RNF128: variants seen among roughly 807,000 people sequenced by gnomAD.
The protein encoded by RNF128 is E3 ubiquitin-protein ligase RNF128.
In RNF128, 13 loss-of-function variants were observed where a neutral mutation model predicts 26.2. The ratio of observed to expected loss-of-function variants is 0.50; its 90% confidence interval spans 0.32 to 0.79. The LOEUF (loss-of-function observed/expected upper bound fraction) is 0.79, where lower values mean the gene tolerates loss of function less well. Among genes scored for constraint, RNF128 ranks in the 30% least tolerant of loss-of-function variants. The pLI, the probability that RNF128 is intolerant of heterozygous loss-of-function variation, is 0.03. For missense variants in RNF128, 315 were observed against 349.7 expected, an observed-to-expected ratio of 0.90 and a Z score of 0.79; for synonymous variants, 149 against 142.5, an observed-to-expected ratio of 1.05 and a Z score of -0.32.
rs1374686007 is a variant in RNF128, at chrX:106,727,394, C to T, written c.481C>T (p.Pro161Ser). The part of the protein sequence containing the change: ...TRNEVIPMSH[P>S]GAVDIVAIMI... The stretch of plus-strand genomic sequence containing the variant: ...CAATGAGGTCATCCCCATGTCTCAC[C>T]CGGGTGAGTGCAGCTACTAGATTGC... Residue 161 changes from proline (P) to serine (S), a missense_variant, in exon 1 of 7, where the codon CCG (proline) becomes TCG (serine). Pro to Ser is a moderately conservative substitution (Grantham distance 74). Coordinates refer to ENST00000255499, the MANE Select transcript of RNF128 (RefSeq NM_194463.2). 8.3e-7 allele frequency: 1 copy of T among 1,210,904 alleles called. No individual in the cohort carries two copies. Among genetic ancestry groups the T allele is most frequent in the Admixed American group, 2.2e-5 (1 of 45,987 alleles).
Position 106,702,824 on chromosome X carries a change from A to T in RNF128, c.406+8416A>T, listed in dbSNP as rs188703707. On this transcript the variant is annotated intron_variant, in intron 1 of 6. Coordinates refer to the RNF128 transcript ENST00000324342. ...ACAGAACAGTGGAAGAGTGAATTCC[A>T]GGAGATGATGTTTCAGAGTGTCCCT... is the stretch of plus-strand genomic sequence containing the variant. Among the ~76,000 whole-genome samples the T allele has an allele frequency of 2.4e-3, 268 of 111,922 alleles. 3 individuals are homozygous for T. The highest frequency in any genetic ancestry group is 8.5e-3 in the African/African-American group (261 of 30,846).
At chrX:106,717,770 T>C (rs1287785706) in intron 1 of RNF128, among the ~76,000 whole-genome samples, 1 of 112,466 alleles carries the variant, frequency 8.9e-6, no homozygotes, top group Non-Finnish European at 1.9e-5. Flanking sequence ...CCTTAATTTG[T>C]ATACTTAATG....
chrX:106,779,571 A>G (rs987337008), intron 2 of RNF128, among the ~76,000 whole-genome samples: 39 of 110,411 alleles, frequency 3.5e-4, no homozygotes, highest in African/African-American at 1.3e-3. Flanking sequence ...TTGCAGTTAT[A>G]CCACAAATTC....
intron 6 of RNF128, 41 bp downstream of exon 6, chrX:106,791,275 A>T (rs1304001468): frequency 8.9e-7 from 1 of 1,124,019 alleles, no homozygotes; most frequent in East Asian, 3.0e-5. Flanking sequence ...CCTGCAATCC[A>T]TTGTAGATCA....
At chrX:106,743,256 A>G (rs967358042) in intron 1 of RNF128, among the ~76,000 whole-genome samples, 2 of 112,530 alleles carry the variant, frequency 1.8e-5, no homozygotes, top group Non-Finnish European at 3.8e-5. Context: ...CAGAATTTTG[A>G]AAAACTTTTA....
intron 1 of RNF128, among the ~76,000 whole-genome samples, chrX:106,704,252 G>A (rs1480992482): frequency 9.2e-6 from 1 of 109,176 alleles, no homozygotes; most frequent in Non-Finnish European, 1.9e-5. Flanking sequence ...TAGCTAATAC[G>A]GTGAAACCCC....
intron 2 of RNF128, among the ~76,000 whole-genome samples, chrX:106,783,660 G>A (rs1002891084): frequency 7.2e-4 from 80 of 111,116 alleles, no homozygotes; most frequent in Middle Eastern, 4.6e-3. Context: ...TGTATTAGTC[G>A]GGTTTGTGTT....
chrX:106,719,303 T>A (rs761906470), intron 1 of RNF128, among the ~76,000 whole-genome samples: 79 of 109,545 alleles, frequency 7.2e-4, no homozygotes, highest in Non-Finnish European at 1.2e-3. Context: ...CACTTCAACC[T>A]CCCCCACCCT....
chrX:106,699,484 T>C (rs1296088010), intron 1 of RNF128, among the ~76,000 whole-genome samples: 1 of 111,644 alleles, frequency 9.0e-6, no homozygotes, highest in South Asian at 3.8e-4. Flanking sequence ...ACTAGTCTAG[T>C]ACAGGCTACC....
chrX:106,793,418 A>G (rs1203437254), intron 6 of RNF128, among the ~76,000 whole-genome samples: 2 of 111,795 alleles, frequency 1.8e-5, no homozygotes, highest in Non-Finnish European at 3.8e-5. Flanking sequence ...CGTTTCAAAA[A>G]TAATACAAAG....
chrX:106,747,951 A>T (rs1929816933), intron 1 of RNF128, among the ~76,000 whole-genome samples: 1 of 112,214 alleles, frequency 8.9e-6, no homozygotes, highest in South Asian at 3.7e-4. Context: ...CCCACAGGCT[A>T]GCATAGTGCC....
intron 3 of RNF128, among the ~76,000 whole-genome samples, chrX:106,787,017 A>G (rs926487920): frequency 3.6e-5 from 4 of 111,382 alleles, no homozygotes; most frequent in Non-Finnish European, 7.6e-5. Flanking sequence ...TGCAAAATGT[A>G]TAGCCAATTT....
intron 1 of RNF128, among the ~76,000 whole-genome samples, chrX:106,762,245 A>G (rs377743326): frequency 6.5e-5 from 7 of 108,094 alleles, no homozygotes; most frequent in African/African-American, 2.4e-4. Flanking sequence ...ACATTGGCCA[A>G]CCTCTCTCCA....
rs1929775448 is a variant in RNF128 at position 106,745,273 on chromosome X, A to G, written c.484+17876A>G. 4.5e-5 allele frequency among the ~76,000 whole-genome samples: 5 copies of G among 111,604 alleles called. No individual in the cohort carries two copies. The Admixed American group carries it at 4.8e-4, about 11-fold the overall frequency. ...CTACATTAGCTATGTGCCTTTGTTG[A>G]TTTTAAAAAATGGTAATAAAGGTGA... On this transcript the variant is annotated intron_variant, in intron 1 of 6. Transcript: ENST00000255499.
At chrX:106,779,802 T>C (rs1569444368) in intron 2 of RNF128, among the ~76,000 whole-genome samples, 1 of 111,083 alleles carries the variant, frequency 9.0e-6, no homozygotes, top group Non-Finnish European at 1.9e-5. Flanking sequence ...CTGCACCTCC[T>C]CTTACCTGTA....
intron 4 of RNF128, among the ~76,000 whole-genome samples, chrX:106,788,689 G>C (rs866778398): frequency 1.7e-5 from 1 of 57,868 alleles, no homozygotes; most frequent in Non-Finnish European, 2.9e-5. Context: ...ATAATATATA[G>C]TTATATATAA....
chrX:106,754,490 G>C (rs1929966207), intron 1 of RNF128, among the ~76,000 whole-genome samples: 1 of 89,016 alleles, frequency 1.1e-5, no homozygotes, highest in Admixed American at 1.5e-4. Flanking sequence ...CAAACTCCTT[G>C]GCTCAAATGA....
At chrX:106,693,873 G>A (rs1244982082) in exon 1 of RNF128, 1 of 505,807 alleles carries the variant, frequency 2.0e-6, no homozygotes, top group Non-Finnish European at 3.3e-6. Flanking sequence ...TGTTGCTAGA[G>A]GTGAGATCAG....
At chrX:106,752,871 T>TA (rs1431346800) in intron 1 of RNF128, among the ~76,000 whole-genome samples, 4 of 111,157 alleles carry the variant, frequency 3.6e-5, no homozygotes, top group Admixed American at 9.6e-5. Context: ...TGAAATACTT[T>TA]AAAAAAATCA....
Sources: allele counts gnomAD v4.1 joint callset (sites outside exome capture counted in the v4.1 genomes callset), GRCh38; gene constraint gnomAD v4.1.1; transcripts MANE v1.5; gene names NCBI Gene and HGNC (gene_info 2026-07-23, HGNC 2026-07-21).